The following MYBL2 variants were observed in gnomAD, a reference collection of about 807,000 sequenced individuals.
MYBL2 encodes the protein myb-related protein B.
A neutral mutation model predicts 79.9 loss-of-function variants in MYBL2; 28 were observed. The ratio of observed to expected loss-of-function variants is 0.35; its 90% CI spans 0.26 to 0.48. MYBL2 has a LOEUF of 0.48. Among genes scored for constraint, MYBL2 ranks in the 20% least tolerant of loss-of-function variants. The probability of loss-of-function intolerance (pLI) is 0.99; values close to 1 mark genes in which losing one functional copy is unlikely to be tolerated. For missense variants in MYBL2, 735 were observed against 893.9 expected, an observed-to-expected ratio of 0.82 and a Z score of 2.27; for synonymous variants, 378 against 361.2, an observed-to-expected ratio of 1.05 and a Z score of -0.53.
chr20:43,709,207 G>T (rs910390993), intron 9 of MYBL2, among the ~76,000 whole-genome samples: 2 of 152,086 alleles, frequency 1.3e-5, no homozygotes, highest in African/African-American at 2.4e-5. Context: ...CAGCCATGGT[G>T]GTATCTCCAG....
At position 43,685,602 on chromosome 20, in the gene MYBL2, C is replaced by T. The variant is rs562579274; in HGVS notation, c.280-1250C>T. On this transcript the variant is annotated intron_variant, in intron 4 of 13. Transcript: ENST00000217026. ...GTGAAACCCTGTCTACCAAAAAATA[C>T]AAAAATTAGCCAGGTGTCTTGGTGT... 3.3e-5 allele frequency among the ~76,000 whole-genome samples: 5 copies of T among 152,136 alleles called. No individual in the cohort carries two copies. The East Asian group carries it at 9.7e-4, about 29-fold the overall frequency.
At chr20:43,711,888 A>G (rs1320677618) in intron 11 of MYBL2, among the ~76,000 whole-genome samples, 2 of 152,144 alleles carry the variant, frequency 1.3e-5, no homozygotes, top group Non-Finnish European at 2.9e-5. Context: ...TGGAGCAGCA[A>G]TTACGACCCA....
intron 6 of MYBL2, among the ~76,000 whole-genome samples, chr20:43,696,849 C>G (rs1306533553): frequency 6.6e-6 from 1 of 152,294 alleles, no homozygotes; most frequent in Admixed American, 6.5e-5. Flanking sequence ...GCCTCAGCCT[C>G]CTGAGTAGCT....
At chr20:43,698,207 A>G (rs1314118163) in intron 6 of MYBL2, among the ~76,000 whole-genome samples, 2 of 151,844 alleles carry the variant, frequency 1.3e-5, no homozygotes, top group East Asian at 1.9e-4. Context: ...TTTACATACA[A>G]TAAAATTCAC....
intron 9 of MYBL2, among the ~76,000 whole-genome samples, chr20:43,706,490 G>C (rs1987785305): frequency 6.6e-6 from 1 of 151,912 alleles, no homozygotes; most frequent in Non-Finnish European, 1.5e-5. Context: ...TCGCTATTTT[G>C]TGATTCAGAA....
intron 2 of MYBL2, among the ~76,000 whole-genome samples, chr20:43,680,111 A>G: frequency 6.6e-6 from 1 of 152,080 alleles, no homozygotes. Flanking sequence ...GCTCACTGCA[A>G]CCTCTACTTC....
In MYBL2 at chr20:43,667,245, C is replaced by CGGCGGGCG. The variant is rs950811285; in HGVS notation, c.-34_-27dup. 8.3e-7 allele frequency: 1 copy of CGGCGGGCG among 1,210,786 alleles called. No homozygotes were observed. Among genetic ancestry groups the CGGCGGGCG allele is most frequent in the Non-Finnish European group, 1.0e-6 (1 of 974,238 alleles). 75.0% of individuals were successfully genotyped at this position (1,210,786 alleles called of 1,614,324 possible). A position where few individuals can be genotyped will look rare whatever the true frequency, so the allele number is the denominator to read the frequency against. On this transcript the variant is annotated 5_prime_UTR_variant, in exon 1 of 14. Coordinates refer to ENST00000217026, the MANE Select transcript of MYBL2 (RefSeq NM_002466.4). ...GCCCGGCTCCCGCTCCGGGCTCTGC[C>CGGCGGGCG]GGCGGGCGGGCGAGCGCGGCGCGGT...
intron 13 of MYBL2, 73 bp downstream of exon 13, chr20:43,715,356 C>T (rs578123705): frequency 1.3e-5 from 20 of 1,593,888 alleles, no homozygotes; most frequent in Non-Finnish European, 1.7e-5. Context: ...GCTGGCCATC[C>T]CTGGGGGTCC....
intron 1 of MYBL2, among the ~76,000 whole-genome samples, chr20:43,671,378 G>A (rs1199538564): frequency 1.3e-5 from 2 of 150,728 alleles, no homozygotes; most frequent in Admixed American, 6.6e-5. Context: ...GGCTGGTCTC[G>A]AACTCCTGAC....
At chr20:43,691,052 T>TG (rs1294145318) in intron 5 of MYBL2, among the ~76,000 whole-genome samples, 4 of 152,242 alleles carry the variant, frequency 2.6e-5, no homozygotes, top group African/African-American at 4.8e-5. Context: ...CAGTGAGTGA[T>TG]GGAGTATGAC....
chr20:43,693,479 CAGG>C (rs1321296389), intron 6 of MYBL2, among the ~76,000 whole-genome samples: 2 of 152,134 alleles, frequency 1.3e-5, no homozygotes, highest in Non-Finnish European at 2.9e-5. Context: ...GCTGGGATTA[CAGG>C]TGCACACCAC....
At chr20:43,683,328 C>T (rs1987186455) in intron 4 of MYBL2, among the ~76,000 whole-genome samples, 1 of 152,110 alleles carries the variant, frequency 6.6e-6, no homozygotes, top group Non-Finnish European at 1.5e-5. Context: ...CACAGCAGTC[C>T]TGTGAGGTGG....
chr20:43,672,553 C>T (rs1046905775), intron 1 of MYBL2, among the ~76,000 whole-genome samples: 1 of 152,088 alleles, frequency 6.6e-6, no homozygotes, highest in Non-Finnish European at 1.5e-5. Context: ...CCAGATGAGC[C>T]TAGGCAAAAT....
At chr20:43,677,148 G>T (rs1017175640) in intron 2 of MYBL2, among the ~76,000 whole-genome samples, 2 of 152,178 alleles carry the variant, frequency 1.3e-5, no homozygotes, top group African/African-American at 4.8e-5. Flanking sequence ...TGCTCATCCT[G>T]TTGTGGACCA....
intron 8 of MYBL2, among the ~76,000 whole-genome samples, chr20:43,703,554 G>C (rs1238710734): frequency 6.6e-6 from 1 of 152,130 alleles, no homozygotes; most frequent in Admixed American, 6.6e-5. Context: ...GTCTCCTTGA[G>C]CACCTTGACC....
chr20:43,681,506 T>G (rs1336332119), intron 2 of MYBL2, among the ~76,000 whole-genome samples: 1 of 152,168 alleles, frequency 6.6e-6, no homozygotes, highest in African/African-American at 2.4e-5. Flanking sequence ...TGTCCCTGAG[T>G]AGGCAGTCAC....
chr20:43,694,852 G>A (rs1026038993), intron 6 of MYBL2, among the ~76,000 whole-genome samples: 1 of 152,146 alleles, frequency 6.6e-6, no homozygotes, highest in African/African-American at 2.4e-5. Flanking sequence ...GCGGGCATCA[G>A]CCGACTCATA....
In MYBL2 at chr20:43,702,560, A is replaced by G. The variant is rs6017146; in HGVS notation, c.1022A>G (p.Asn341Ser). The change falls in exon 8 of 14, where the codon AAC (asparagine) becomes AGC (serine). Residue 341 changes from asparagine (N) to serine (S), a missense_variant. Physicochemically the swap from Asn to Ser is conservative, Grantham distance 46. Around this residue, in one of 5 missense-constraint regions of MYBL2, gnomAD observed 243 missense variants for 327.2 expected, o/e 0.74. Coordinates refer to ENST00000217026, the MANE Select transcript of MYBL2 (RefSeq NM_002466.4). ...GAACCATCTGCAGAGGACAGTATCA[A>G]CAACAGCCTAGTGCAGCTGCAAGCG... ...PEEPSAEDSINNSLVQLQASH... is the reference protein window; with the variant it reads ...PEEPSAEDSISNSLVQLQASH... The G allele has an allele frequency of 1.4e-3, 2,308 of 1,614,202 alleles. 27 individuals carry two copies. The African/African-American group carries it at 0.026, about 18-fold the overall frequency.
At chr20:43,700,607 C>T (rs1463276227) in intron 7 of MYBL2, among the ~76,000 whole-genome samples, 1 of 152,032 alleles carries the variant, frequency 6.6e-6, no homozygotes, top group South Asian at 2.1e-4. Flanking sequence ...CTGTGTAGAG[C>T]GGGTTTTGGG....
Sources: allele counts gnomAD v4.1 joint callset (sites outside exome capture counted in the v4.1 genomes callset), GRCh38; gene constraint gnomAD v4.1.1; regional missense constraint gnomAD v4.1.1; transcripts MANE v1.5; gene names NCBI Gene and HGNC (gene_info 2026-07-23, HGNC 2026-07-21).